The following GRM8 variants were observed in gnomAD, a reference collection of about 807,000 sequenced individuals.
GRM8 encodes glutamate metabotropic receptor 8.
A neutral mutation model predicts 87.2 loss-of-function variants in GRM8; 47 were observed. The ratio of observed to expected loss-of-function variants is 0.54; its 90% CI spans 0.43 to 0.69. The LOEUF (loss-of-function observed/expected upper bound fraction) is 0.69, where lower values mean the gene tolerates loss of function less well. Ranked by LOEUF, GRM8 falls within the 30% of genes least tolerant of loss-of-function variation. The pLI is 0.00. For synonymous variants in GRM8, 396 were observed against 404.5 expected, an observed-to-expected ratio of 0.98 and a Z score of 0.25; for missense variants, 1,019 against 1,139.2, an observed-to-expected ratio of 0.89 and a Z score of 1.52.
At chr7:126,452,012 C>T (rs1802665654) in intron 9 of GRM8, among the ~76,000 whole-genome samples, 3 of 151,710 alleles carry the variant, frequency 2.0e-5, no homozygotes, top group Admixed American at 1.3e-4. Flanking sequence ...GGGAATTTTA[C>T]CTGTGTTGTT....
intron 3 of GRM8, among the ~76,000 whole-genome samples, chr7:126,931,105 A>T (rs1805719531): frequency 6.6e-6 from 1 of 152,238 alleles, no homozygotes; most frequent in Admixed American, 6.5e-5. Flanking sequence ...TCCAAGGGAA[A>T]AATGCGTTAG....
intron 2 of GRM8, among the ~76,000 whole-genome samples, chr7:127,236,596 A>G (rs951640): frequency 0.12 from 17,733 of 152,156 alleles, 1,279 homozygotes; most frequent in Middle Eastern, 0.26. Context: ...CCATGATTCA[A>G]TTACCTCCAC....
chr7:126,975,425 C>T (rs1176223908), intron 3 of GRM8, among the ~76,000 whole-genome samples: 2 of 152,176 alleles, frequency 1.3e-5, no homozygotes, highest in African/African-American at 4.8e-5. Flanking sequence ...GTTACCAGGA[C>T]GTGGCCCTAG....
chr7:126,957,696 A>G (rs1808868020), intron 3 of GRM8, among the ~76,000 whole-genome samples: 1 of 152,188 alleles, frequency 6.6e-6, no homozygotes, highest in Admixed American at 6.5e-5. Context: ...ACCAACAAGC[A>G]TAGGAGGGAG....
intron 6 of GRM8, among the ~76,000 whole-genome samples, chr7:126,837,734 T>C (rs976775711): frequency 7.2e-5 from 11 of 152,232 alleles, no homozygotes; most frequent in Admixed American, 3.3e-4. Flanking sequence ...TTTGTGATGC[T>C]AAAAGAATTT....
At chr7:127,082,049 G>T (rs1194056387) in intron 3 of GRM8, 1 of 152,182 alleles carries the variant, frequency 6.6e-6, no homozygotes, top group Non-Finnish European at 1.5e-5. Context: ...AAGGGAGAGT[G>T]AACACAGAGT....
intron 2 of GRM8, among the ~76,000 whole-genome samples, chr7:127,211,378 G>A (rs935109822): frequency 8.5e-5 from 13 of 152,196 alleles, no homozygotes; most frequent in Non-Finnish European, 1.3e-4. Flanking sequence ...GGAACACTCA[G>A]CCAGTCTAGT....
chr7:126,934,222 A>G (rs1806053206), intron 3 of GRM8, among the ~76,000 whole-genome samples: 1 of 152,160 alleles, frequency 6.6e-6, no homozygotes, highest in Non-Finnish European at 1.5e-5. Context: ...TTAAGAAGGC[A>G]AAAAAATGGT....
chr7:126,867,164 TAAAAG>T (rs958342880), intron 6 of GRM8, among the ~76,000 whole-genome samples: 3 of 152,160 alleles, frequency 2.0e-5, no homozygotes, highest in Non-Finnish European at 2.9e-5. Flanking sequence ...TTAACAGAAC[TAAAAG>T]GAGACATTAT....
At chr7:126,518,699 C>T (rs985098780) in intron 9 of GRM8, among the ~76,000 whole-genome samples, 1 of 152,048 alleles carries the variant, frequency 6.6e-6, no homozygotes, top group Non-Finnish European at 1.5e-5. Flanking sequence ...CATTAATTTG[C>T]ATCTCTCACT....
chr7:126,924,445 T>C (rs553594857), intron 3 of GRM8, among the ~76,000 whole-genome samples: 2 of 152,340 alleles, frequency 1.3e-5, no homozygotes, highest in East Asian at 3.9e-4. Flanking sequence ...CTGGATCTCA[T>C]GGATGTCCCA....
intron 7 of GRM8, among the ~76,000 whole-genome samples, chr7:126,719,196 T>C (rs1812096965): frequency 6.6e-6 from 1 of 152,148 alleles, no homozygotes; most frequent in African/African-American, 2.4e-5. Flanking sequence ...AATTAATAAA[T>C]GAGATAATAT....
At chr7:127,073,136 G>A (rs912544868) in intron 3 of GRM8, among the ~76,000 whole-genome samples, 4 of 152,100 alleles carry the variant, frequency 2.6e-5, no homozygotes, top group African/African-American at 7.2e-5. Context: ...AACACCACCC[G>A]ATTCCAGCCC....
chr7:126,514,260 T>C (rs1811850483), intron 9 of GRM8, among the ~76,000 whole-genome samples: 2 of 152,080 alleles, frequency 1.3e-5, no homozygotes, highest in Non-Finnish European at 2.9e-5. Context: ...CTGATATTAC[T>C]CCATGTGAAG....
At chr7:126,979,270 T>A (rs1486609870) in intron 3 of GRM8, among the ~76,000 whole-genome samples, 1 of 152,184 alleles carries the variant, frequency 6.6e-6, no homozygotes, top group African/African-American at 2.4e-5. Flanking sequence ...GAAATCAGAA[T>A]AATTCTAATA....
At chr7:126,806,905 G>C (rs1390964784) in intron 6 of GRM8, among the ~76,000 whole-genome samples, 3 of 152,222 alleles carry the variant, frequency 2.0e-5, no homozygotes, top group East Asian at 1.9e-4. Context: ...CGCGAGCAGA[G>C]GGAGCCGGCT....
At chr7:126,615,010 G>A (rs2151117994) in intron 7 of GRM8, among the ~76,000 whole-genome samples, 1 of 152,152 alleles carries the variant, frequency 6.6e-6, no homozygotes, top group East Asian at 1.9e-4. Flanking sequence ...TTCAAATTCA[G>A]GAAATACAGA....
At chr7:126,856,862 C>T (rs897844378) in intron 6 of GRM8, among the ~76,000 whole-genome samples, 2 of 152,166 alleles carry the variant, frequency 1.3e-5, no homozygotes, top group Non-Finnish European at 1.5e-5. Flanking sequence ...TTTCCTTCTG[C>T]CCTGTAGGTG....
At chr7:127,024,145 T>C (rs1373695403) in intron 3 of GRM8, among the ~76,000 whole-genome samples, 1 of 152,128 alleles carries the variant, frequency 6.6e-6, no homozygotes, top group Admixed American at 6.5e-5. Context: ...ACGAAATTGA[T>C]AGCTTGTCAA....
Sources: allele counts gnomAD v4.1 joint callset (sites outside exome capture counted in the v4.1 genomes callset), GRCh38; gene constraint gnomAD v4.1.1; transcripts MANE v1.5; gene names NCBI Gene and HGNC (gene_info 2026-07-23, HGNC 2026-07-21).